Variants in WDR35 observed in about 807,000 individuals in gnomAD.
WDR35 encodes the protein WD repeat-containing protein 35.
In WDR35, 118 loss-of-function variants were observed where a neutral mutation model predicts 158.3. The ratio of observed to expected loss-of-function variants is 0.75; its 90% CI spans 0.64 to 0.87. WDR35 has a LOEUF of 0.87. Ranked by LOEUF, WDR35 falls within the 40% of genes least tolerant of loss-of-function variation. The pLI, the probability that WDR35 is intolerant of heterozygous loss-of-function variation, is 0.00. For missense variants in WDR35, 1,263 were observed against 1,405.8 expected (o/e 0.90, Z 1.62); for synonymous variants, 448 against 476.1 (o/e 0.94, Z 0.77).
chr2:19,981,917 G>C (rs1267235772), intron 3 of WDR35, among the ~76,000 whole-genome samples: 4 of 152,080 alleles, frequency 2.6e-5, no homozygotes, highest in Non-Finnish European at 4.4e-5. Flanking sequence ...ATTAAAAACA[G>C]CTATTTTCTT....
At chr2:19,974,010 A>G (rs1006636087) in intron 7 of WDR35, among the ~76,000 whole-genome samples, 2 of 152,170 alleles carry the variant, frequency 1.3e-5, no homozygotes. Context: ...CAGGAGGCTG[A>G]GACCTTGAGC....
intron 10 of WDR35, among the ~76,000 whole-genome samples, chr2:19,965,142 C>T (rs752811896): frequency 2.6e-5 from 4 of 152,172 alleles, no homozygotes; most frequent in African/African-American, 7.2e-5. Flanking sequence ...AGGCCGATCT[C>T]GAACTCCCGA....
intron 10 of WDR35, among the ~76,000 whole-genome samples, chr2:19,963,518 C>T (rs1264936006): frequency 1.3e-5 from 2 of 152,098 alleles, no homozygotes; most frequent in African/African-American, 4.8e-5. Flanking sequence ...AGCCTTCTGA[C>T]CTCTCATCTG....
In WDR35 at chr2:19,910,832, T is replaced by C. The variant is rs886055395; in HGVS notation, c.*2726A>G. The C allele has an allele frequency of 6.6e-6, 1 of 152,048 alleles. No individual in the cohort carries two copies. Among genetic ancestry groups the C allele is most frequent in the Non-Finnish European group, 1.5e-5 (1 of 68,002 alleles). The allele number at this position is 152,048 out of a possible 1,614,324, so 9.4% of individuals were successfully genotyped here. On this transcript the variant is annotated 3_prime_UTR_variant, in exon 27 of 27. Transcript: ENST00000281405. ...GTACCATTTACACAGAAGACAAAGG[T>C]CCCCAAGACATTATGGCAGATCATT...
chr2:19,914,031 GCCTAC>G lies in WDR35; in HGVS notation c.3362+1_3362+5del, dbSNP rs1558317999. The G allele has an allele frequency of 1.2e-6, 2 of 1,613,870 alleles. No homozygotes were observed. Among genetic ancestry groups the G allele is most frequent in the East Asian group, 4.5e-5 (2 of 44,866 alleles). The stretch of plus-strand genomic sequence containing the variant: ...GAATGGCATCCACTAATTAAAATTA[GCCTAC>G]CCTTCCATAAGGCTGTCCAATTCAG... On this transcript the variant is annotated splice_donor_variant and splice_donor_5th_base_variant and intron_variant, in intron 26 of 26. Coordinates refer to ENST00000281405, the MANE Select transcript of WDR35 (RefSeq NM_020779.4). LOFTEE classifies it high-confidence loss of function.
intron 16 of WDR35, among the ~76,000 whole-genome samples, chr2:19,942,387 T>C (rs993868100): frequency 6.6e-6 from 1 of 152,178 alleles, no homozygotes; most frequent in Non-Finnish European, 1.5e-5. Context: ...ATATATCTCC[T>C]ACTCTTAAGA....
chr2:19,951,471 C>A lies in WDR35; in HGVS notation c.1414G>T (p.Asp472Tyr). The change falls in exon 13 of 27, where the codon GAT becomes TAT. Residue 472 changes from aspartate to tyrosine, a missense_variant. By Grantham distance (160) the Asp-to-Tyr change is radical (BLOSUM62 -3). Coordinates refer to ENST00000281405, the MANE Select transcript of WDR35 (RefSeq NM_020779.4). ...TCCATTGATCCAGAAGGGGTATCAT[C>A]AACATGATAAATTCTGCAAAAAAGA... ...KEGRERIYHV[D>Y]DTPSGSMDGV... 6.2e-7 allele frequency: 1 copy of A among 1,610,722 alleles called. No individual in the cohort carries two copies. Among genetic ancestry groups the A allele is most frequent in the Non-Finnish European group, 8.5e-7 (1 of 1,178,072 alleles).
At chr2:19,948,466 A>C (rs1409828619) in intron 13 of WDR35, among the ~76,000 whole-genome samples, 1 of 152,220 alleles carries the variant, frequency 6.6e-6, no homozygotes, top group Non-Finnish European at 1.5e-5. Flanking sequence ...TCATTGCAGG[A>C]CAGTATGATA....
intron 8 of WDR35, among the ~76,000 whole-genome samples, chr2:19,970,844 C>T (rs1028632927): frequency 6.6e-6 from 1 of 152,170 alleles, no homozygotes; most frequent in African/African-American, 2.4e-5. Context: ...CATCAAGATA[C>T]AGCTCAAATA....
At chr2:19,950,600 G>A (rs1326572200) in intron 13 of WDR35, among the ~76,000 whole-genome samples, 1 of 152,216 alleles carries the variant, frequency 6.6e-6, no homozygotes, top group East Asian at 1.9e-4. Context: ...CTGTTAAAGC[G>A]ACTGTTTCTT....
At chr2:19,930,248 T>C (rs1197274829) in intron 25 of WDR35, 148 bp downstream of exon 25, 5 of 1,158,234 alleles carry the variant, frequency 4.3e-6, no homozygotes, top group South Asian at 2.7e-5. Flanking sequence ...ACTTCAAAAA[T>C]GGGAATGCAT....
intron 3 of WDR35, among the ~76,000 whole-genome samples, chr2:19,981,849 G>A (rs1218988816): frequency 6.6e-6 from 1 of 152,008 alleles, no homozygotes; most frequent in African/African-American, 2.4e-5. Flanking sequence ...GGAATCATAG[G>A]ACAGATTCTA....
chr2:19,982,789 T>A (rs1335024317), intron 2 of WDR35, among the ~76,000 whole-genome samples: 1 of 152,218 alleles, frequency 6.6e-6, no homozygotes, highest in Non-Finnish European at 1.5e-5. Flanking sequence ...TCACTGCTTT[T>A]TATTCCTTTC....
At chr2:19,949,269 G>A (rs575843203) in intron 13 of WDR35, among the ~76,000 whole-genome samples, 29 of 152,314 alleles carry the variant, frequency 1.9e-4, no homozygotes, top group Non-Finnish European at 4.0e-4. Context: ...GGAATATACT[G>A]GGAAGTGGGC....
At chr2:19,950,048 T>TA (rs113181451) in intron 13 of WDR35, among the ~76,000 whole-genome samples, 2 of 152,256 alleles carry the variant, frequency 1.3e-5, no homozygotes, top group African/African-American at 4.8e-5. Flanking sequence ...ATATACATAT[T>TA]AGAGTTGTTG....
At position 19,930,188 on chromosome 2, in the gene WDR35, C is replaced by T. The variant is rs541706712; in HGVS notation, c.3121+208G>A. On this transcript the variant is annotated intron_variant, in intron 25 of 26. Coordinates refer to ENST00000281405, the MANE Select transcript of WDR35 (RefSeq NM_020779.4). ...CTATACACATTCTTTTTGCTTATCT[C>T]AAATTTCTGACATTTCTGTGAACTA... is the stretch of plus-strand genomic sequence containing the variant. Among the ~76,000 whole-genome samples the T allele has an allele frequency of 5.9e-5, 9 of 151,912 alleles. No homozygotes were observed. In the Middle Eastern group the frequency reaches 0.014, roughly 231 times the overall value.
Position 19,978,854 on chromosome 2 carries a change from G to A in WDR35, c.333C>T (p.Asn111=). ...YKGSWIEEMI[N]NRNKSVVRSM... ...TGCGAACAACTGATTTATTTCGATTGTTGATCATCTCCTCAATCCAAGAGC... is the reference window on the plus strand; with the variant it reads ...TGCGAACAACTGATTTATTTCGATTATTGATCATCTCCTCAATCCAAGAGC... The change falls in exon 5 of 27, where the codon AAC becomes AAT. Residue 111 remains asparagine (N), a synonymous_variant. Coordinates refer to ENST00000281405, the MANE Select transcript of WDR35 (RefSeq NM_020779.4). 6.2e-7 allele frequency: 1 copy of A among 1,613,670 alleles called. No homozygotes were observed. Among genetic ancestry groups the A allele is most frequent in the African/African-American group, 1.3e-5 (1 of 74,998 alleles).
intron 25 of WDR35, among the ~76,000 whole-genome samples, chr2:19,924,486 C>A (rs1038785063): frequency 6.6e-6 from 1 of 152,146 alleles, no homozygotes; most frequent in African/African-American, 2.4e-5. Context: ...ATGGCGTGAA[C>A]CCGGGAGGCG....
chr2:19,910,537 A>G lies in WDR35; in HGVS notation c.*3021T>C, dbSNP rs1482927038. On this transcript the variant is annotated 3_prime_UTR_variant, in exon 27 of 27. Transcript: ENST00000281405. Reference sequence around the variant, plus strand: ...AAACATGTAATGAAGGGCAAGTTTTATAATAAAAAAAACAACTTGGCATTA... The same window carrying G: ...AAACATGTAATGAAGGGCAAGTTTTGTAATAAAAAAAACAACTTGGCATTA... The G allele has an allele frequency of 6.6e-6, 1 of 152,206 alleles. No individual in the cohort carries two copies. Among genetic ancestry groups the G allele is most frequent in the Non-Finnish European group, 1.5e-5 (1 of 68,036 alleles). The allele number at this position is 152,206 out of a possible 1,614,324, so 9.4% of individuals were successfully genotyped here.
Sources: gnomAD v4.1 joint callset for allele counts (sites outside exome capture counted in the v4.1 genomes callset) on GRCh38, gnomAD v4.1.1 for gene constraint, MANE v1.5 for transcripts, NCBI Gene and HGNC (gene_info 2026-07-23, HGNC 2026-07-21) for gene names.